Variants in OTOP3 observed in about 807,000 individuals in gnomAD.
OTOP3 encodes the protein otopetrin 3.
In OTOP3, 41 loss-of-function variants were observed where a neutral mutation model predicts 50.8. That is an observed-to-expected ratio of 0.81 (90% confidence interval 0.63 to 1.05). OTOP3 has a LOEUF of 1.05. Ranked by LOEUF, OTOP3 falls within the 50% of genes least tolerant of loss-of-function variation. The probability of loss-of-function intolerance (pLI) is 0.00; values close to 1 mark genes in which losing one functional copy is unlikely to be tolerated. For synonymous variants in OTOP3, 320 were observed against 324.4 expected (o/e 0.99, Z 0.14); for missense variants, 788 against 760.8 (o/e 1.04, Z -0.42).
At chr17:74,942,783 T>A (rs1567950920) in intron 3 of OTOP3, among the ~76,000 whole-genome samples, 1 of 146,432 alleles carries the variant, frequency 6.8e-6, no homozygotes. Context: ...CTACCAAAAA[T>A]ACAAAAACAA....
rs750443526 is a variant in OTOP3 at position 74,949,506 on chromosome 17, C to T, written c.*90C>T. 349 of 1,448,788 alleles carry T rather than the reference C, an allele frequency of 2.4e-4. No homozygotes were observed. The highest frequency in any genetic ancestry group is 3.1e-4 in the Non-Finnish European group (328 of 1,072,404). The allele number at this position is 1,448,788 out of a possible 1,614,324, so 89.7% of individuals were successfully genotyped here. ...GAGCAGATGCCTCATTCTGAGGTGCCGAGACCAGCCTGAGGCTCTCAAGGC... is the reference window on the plus strand; with the variant it reads ...GAGCAGATGCCTCATTCTGAGGTGCTGAGACCAGCCTGAGGCTCTCAAGGC... On this transcript the variant is annotated 3_prime_UTR_variant, in exon 7 of 7. Transcript: ENST00000328801.
rs1251549776 is a variant in OTOP3 at position 74,946,656 on chromosome 17, C to T, written c.752-5C>T. On this transcript the variant is annotated splice_polypyrimidine_tract_variant and splice_region_variant and intron_variant, in intron 5 of 6. Coordinates refer to ENST00000328801, the MANE Select transcript of OTOP3 (RefSeq NM_001272005.2). Reference sequence around the variant, plus strand: ...TCTGTCCCTCCCACCCTGCCTCCCTCCCAGGCAATGAGACCAACACCTGTC... The same window carrying T: ...TCTGTCCCTCCCACCCTGCCTCCCTTCCAGGCAATGAGACCAACACCTGTC... 6.3e-7 allele frequency: 1 copy of T among 1,597,758 alleles called. No individual in the cohort carries two copies. The highest frequency in any genetic ancestry group is 8.5e-7 in the Non-Finnish European group (1 of 1,169,914).
intron 6 of OTOP3, among the ~76,000 whole-genome samples, chr17:74,949,039 TG>T (rs2039256382): frequency 6.6e-6 from 1 of 151,946 alleles, no homozygotes. Context: ...CAGAGATGGC[TG>T]GGGATAGCTA....
At chr17:74,938,057 G>T (rs370225928) in intron 1 of OTOP3, among the ~76,000 whole-genome samples, 2 of 152,192 alleles carry the variant, frequency 1.3e-5, no homozygotes, top group African/African-American at 4.8e-5. Flanking sequence ...AGTACGGCAG[G>T]GGTGGTGGGA....
At position 74,947,185 on chromosome 17, in the gene OTOP3, G is replaced by A; in HGVS notation, c.1276G>A (p.Glu426Lys). 8 of 1,614,012 alleles carry A rather than the reference G, an allele frequency of 5.0e-6. No individual in the cohort carries two copies. Among genetic ancestry groups the A allele is most frequent in the Non-Finnish European group, 6.8e-6 (8 of 1,180,020 alleles). ...GGCCATTGTGGCCAAGCGCCCGCATGAGCTGCTCAACCGCCTCATCCTGGC... is the reference window on the plus strand; with the variant it reads ...GGCCATTGTGGCCAAGCGCCCGCATAAGCTGCTCAACCGCCTCATCCTGGC... Reference protein sequence around the residue: ...IVAIVAKRPHELLNRLILAYS... With the variant: ...IVAIVAKRPHKLLNRLILAYS... Residue 426 changes from glutamate (E) to lysine (K), a missense_variant, in exon 6 of 7, where the codon GAG becomes AAG. Coordinates refer to ENST00000328801, the MANE Select transcript of OTOP3 (RefSeq NM_001272005.2).
intron 1 of OTOP3, among the ~76,000 whole-genome samples, chr17:74,940,349 T>C (rs562886935): frequency 2.6e-5 from 4 of 151,940 alleles, no homozygotes; most frequent in Non-Finnish European, 5.9e-5. Context: ...TAATTTTTTT[T>C]TAAAAAACTA....
intron 6 of OTOP3, 117 bp from the exon 7 acceptor site, chr17:74,949,129 G>A: frequency 2.0e-6 from 2 of 1,016,716 alleles, no homozygotes; most frequent in Admixed American, 4.0e-5. Flanking sequence ...GAAGAAGACT[G>A]AGCGGGAGGT....
In OTOP3 at chr17:74,949,746, T is replaced by C; in HGVS notation, c.*330T>C. On this transcript the variant is annotated 3_prime_UTR_variant, in exon 7 of 7. Transcript: ENST00000328801. ...ACTCTGTGGGAGGGTCAGACCTACA[T>C]GACCGAGTCTGGGGAGCTTGGCGAG... 1 of 273,288 alleles carries C rather than the reference T, an allele frequency of 3.7e-6. No homozygotes were observed. The highest frequency in any genetic ancestry group is 5.1e-5 in the Admixed American group (1 of 19,498). 16.9% of individuals were successfully genotyped at this position (273,288 alleles called of 1,614,324 possible). A position where few individuals can be genotyped will look rare whatever the true frequency, so the allele number is the denominator to read the frequency against.
chr17:74,943,557 C>T (rs554068984), intron 4 of OTOP3, 49 bp from the exon 5 acceptor site: 7 of 1,579,708 alleles, frequency 4.4e-6, no homozygotes, highest in Middle Eastern at 1.7e-4. Context: ...GGGTTTGGCA[C>T]CTGGGGAGCC....
intron 1 of OTOP3, among the ~76,000 whole-genome samples, chr17:74,939,803 C>A (rs142517490): frequency 6.6e-6 from 1 of 152,126 alleles, no homozygotes; most frequent in Non-Finnish European, 1.5e-5. Context: ...AAGTCAAGGG[C>A]GTGGCAGCGA....
chr17:74,948,111 G>A (rs539744870), intron 6 of OTOP3, among the ~76,000 whole-genome samples: 1 of 152,178 alleles, frequency 6.6e-6, no homozygotes, highest in Non-Finnish European at 1.5e-5. Context: ...AGTGCATTAG[G>A]AGCTCAGCAA....
Position 74,941,598 on chromosome 17 carries a change from C to T in OTOP3, c.225C>T (p.Leu75=), listed in dbSNP as rs2039174194. 1.9e-6 allele frequency: 3 copies of T among 1,613,106 alleles called. No individual in the cohort carries two copies. Among genetic ancestry groups the T allele is most frequent in the Non-Finnish European group, 2.5e-6 (3 of 1,179,406 alleles). ...AGGCTGGACAACTCTTCTCGGGGCTCCTGGCCCTGAATGTGGTGTTCCTGG... is the reference window on the plus strand; with the variant it reads ...AGGCTGGACAACTCTTCTCGGGGCTTCTGGCCCTGAATGTGGTGTTCCTGG... ...AQKAGQLFSG[L]LALNVVFLGG... is the part of the protein sequence containing the mutation. The change falls in exon 2 of 7, where the codon CTC becomes CTT. Residue 75 remains leucine, a synonymous_variant. Transcript: ENST00000328801.
chr17:74,939,793 A>G (rs967637137), intron 1 of OTOP3, among the ~76,000 whole-genome samples: 3 of 152,158 alleles, frequency 2.0e-5, no homozygotes, highest in Non-Finnish European at 4.4e-5. Context: ...TCAACCTTCA[A>G]AGTCAAGGGC....
rs1402753955 is a variant in OTOP3, at chr17:74,943,589, T to G, written c.633-17T>G. 6.2e-7 allele frequency: 1 copy of G among 1,609,778 alleles called. No individual in the cohort carries two copies. The highest frequency in any genetic ancestry group is 1.7e-5 in the Admixed American group (1 of 59,806). ...AGCCGGCCAGGGTGTGTGAGAAGAG[T>G]GTGGCATTTCCCCCAGGTGTGGCCT... On this transcript the variant is annotated splice_polypyrimidine_tract_variant and intron_variant, in intron 4 of 6. Transcript: ENST00000328801.
intron 1 of OTOP3, among the ~76,000 whole-genome samples, chr17:74,937,537 C>T (rs1397893716): frequency 6.6e-6 from 1 of 152,078 alleles, no homozygotes; most frequent in Non-Finnish European, 1.5e-5. Flanking sequence ...GGAGACATCC[C>T]GGTGAGCCCC....
intron 6 of OTOP3, among the ~76,000 whole-genome samples, chr17:74,947,891 A>G (rs926898518): frequency 1.3e-5 from 2 of 152,230 alleles, no homozygotes; most frequent in Admixed American, 6.5e-5. Flanking sequence ...GAATCATGAC[A>G]GTAACTCCAT....
chr17:74,936,087 C>T, intron 1 of OTOP3, 147 bp downstream of exon 1: 1 of 1,301,910 alleles, frequency 7.7e-7, no homozygotes, highest in Non-Finnish European at 1.0e-6. Context: ...AGGTGAACTC[C>T]CTTTAATCTG....
chr17:74,938,237 G>A (rs1211816617), intron 1 of OTOP3, among the ~76,000 whole-genome samples: 1 of 152,094 alleles, frequency 6.6e-6, no homozygotes, highest in African/African-American at 2.4e-5. Context: ...AATATGACAA[G>A]GGGAGAATGG....
chr17:74,938,509 A>T (rs1254662456), intron 1 of OTOP3, among the ~76,000 whole-genome samples: 1 of 152,188 alleles, frequency 6.6e-6, no homozygotes, highest in Non-Finnish European at 1.5e-5. Flanking sequence ...AGGGGTAGGC[A>T]TTAAAGGCAA....
Sources: gnomAD v4.1 joint callset for allele counts (sites outside exome capture counted in the v4.1 genomes callset) on GRCh38, gnomAD v4.1.1 for gene constraint, MANE v1.5 for transcripts, NCBI Gene and HGNC (gene_info 2026-07-23, HGNC 2026-07-21) for gene names.